Variants in MAST4 observed in about 807,000 individuals in gnomAD.
MAST4 encodes the protein microtubule-associated serine/threonine-protein kinase 4.
Under a neutral mutation model 162.7 loss-of-function variants are expected in MAST4, and 89 were observed. The ratio of observed to expected loss-of-function variants is 0.55; its 90% CI spans 0.46 to 0.65. The LOEUF (loss-of-function observed/expected upper bound fraction) is 0.65. Among genes scored for constraint, MAST4 ranks in the 30% least tolerant of loss-of-function variants. MAST4 has a pLI of 0.00. For synonymous variants in MAST4, 1,479 were observed against 1,361.1 expected (o/e 1.09, Z -1.91); for missense variants, 3,153 against 3,374.0 (o/e 0.93, Z 1.62).
At chr5:66,851,342 C>G (rs946287390) in intron 3 of MAST4, among the ~76,000 whole-genome samples, 1 of 152,186 alleles carries the variant, frequency 6.6e-6, no homozygotes, top group African/African-American at 2.4e-5. Context: ...AGAGCATCTC[C>G]TTAACCAGGG....
At chr5:66,717,659 T>A (rs1750926107) in intron 1 of MAST4, among the ~76,000 whole-genome samples, 1 of 152,232 alleles carries the variant, frequency 6.6e-6, no homozygotes, top group East Asian at 1.9e-4. Flanking sequence ...GGGAGGTTGC[T>A]AGGCATTTAA....
intron 4 of MAST4, among the ~76,000 whole-genome samples, chr5:66,965,181 T>A (rs937369118): frequency 2.6e-5 from 4 of 151,480 alleles, no homozygotes; most frequent in Non-Finnish European, 5.9e-5. Flanking sequence ...TCCCCTGAAT[T>A]TAATAGGTCC....
chr5:66,919,035 G>A (rs192594641), intron 4 of MAST4, among the ~76,000 whole-genome samples: 3 of 150,766 alleles, frequency 2.0e-5, no homozygotes, highest in African/African-American at 7.3e-5. Context: ...TCTGGGAGGC[G>A]GAGGTTGCAG....
intron 1 of MAST4, among the ~76,000 whole-genome samples, chr5:66,711,860 G>T (rs1750518741): frequency 6.6e-6 from 1 of 152,030 alleles, no homozygotes; most frequent in South Asian, 2.1e-4. Flanking sequence ...AGATGCTTTG[G>T]ATTATATTCA....
At chr5:66,802,636 G>T (rs1411027512) in intron 3 of MAST4, among the ~76,000 whole-genome samples, 1 of 152,126 alleles carries the variant, frequency 6.6e-6, no homozygotes, top group Non-Finnish European at 1.5e-5. Flanking sequence ...TCTATTGAGA[G>T]TCTTAGTGTG....
At chr5:66,745,038 G>A (rs989468702) in intron 1 of MAST4, among the ~76,000 whole-genome samples, 1 of 152,182 alleles carries the variant, frequency 6.6e-6, no homozygotes, top group Non-Finnish European at 1.5e-5. Flanking sequence ...CCTTTTTGGT[G>A]TCAGGTATGA....
intron 12 of MAST4, among the ~76,000 whole-genome samples, chr5:67,115,585 C>G (rs1766797809): frequency 6.6e-6 from 1 of 152,182 alleles, no homozygotes; most frequent in Non-Finnish European, 1.5e-5. Flanking sequence ...TGAAAAGTTC[C>G]CTGGGGAGAG....
chr5:67,142,276 T>C, intron 20 of MAST4, 39 bp downstream of exon 20: 2 of 1,604,434 alleles, frequency 1.2e-6, no homozygotes, highest in Non-Finnish European at 1.7e-6. Context: ...GTTTGGCCTT[T>C]ACTCGATAAA....
intron 4 of MAST4, among the ~76,000 whole-genome samples, chr5:67,016,564 A>C (rs1753307076): frequency 6.6e-6 from 1 of 152,182 alleles, no homozygotes; most frequent in Non-Finnish European, 1.5e-5. Flanking sequence ...TTGTTTTAAG[A>C]TTGCTACCTG....
intron 6 of MAST4, among the ~76,000 whole-genome samples, chr5:67,093,928 G>A (rs930124303): frequency 9.2e-5 from 14 of 152,146 alleles, no homozygotes; most frequent in Non-Finnish European, 1.8e-4. Context: ...TTAATAAGTA[G>A]CCAAATAAAA....
chr5:66,955,560 A>G (rs573235908), intron 4 of MAST4, among the ~76,000 whole-genome samples: 7 of 152,198 alleles, frequency 4.6e-5, no homozygotes, highest in Admixed American at 3.3e-4. Context: ...TGAACCCCTT[A>G]TTTGCCTATT....
At chr5:66,744,256 C>T (rs1004414303) in intron 1 of MAST4, among the ~76,000 whole-genome samples, 1 of 152,034 alleles carries the variant, frequency 6.6e-6, no homozygotes, top group Non-Finnish European at 1.5e-5. Context: ...CACGTGGGGC[C>T]CCTGGGCTGC....
chr5:66,752,902 T>G (rs541941135), intron 1 of MAST4, among the ~76,000 whole-genome samples: 76 of 152,102 alleles, frequency 5.0e-4, no homozygotes, highest in African/African-American at 1.6e-3. Flanking sequence ...TAGTTGGAAG[T>G]AAAGCTCTCC....
chr5:67,005,280 T>TA (rs1190762227), intron 4 of MAST4, among the ~76,000 whole-genome samples: 2 of 152,242 alleles, frequency 1.3e-5, no homozygotes, highest in African/African-American at 2.4e-5. Flanking sequence ...GTAACCCTGA[T>TA]AAATGTGCTT....
chr5:67,125,615 G>C (rs1768130237), intron 14 of MAST4, among the ~76,000 whole-genome samples: 1 of 152,124 alleles, frequency 6.6e-6, no homozygotes, highest in Non-Finnish European at 1.5e-5. Context: ...GTATTCCATG[G>C]TGTATACATG....
Position 66,596,622 on chromosome 5 carries a change from G to A in MAST4, c.-34G>A, listed in dbSNP as rs909678275. The A allele has an allele frequency of 1.4e-6, 2 of 1,398,200 alleles. No homozygotes were observed. The highest frequency in any genetic ancestry group is 1.7e-5 in the South Asian group (1 of 59,384). 86.6% of individuals were successfully genotyped at this position (1,398,200 alleles called of 1,614,324 possible). A position where few individuals can be genotyped will look rare whatever the true frequency, so the allele number is the denominator to read the frequency against. ...GGCGCTGAGTGCGCGCCGCGCCCCC[G>A]CCGCTCGGGAGGCACTTTGGGCCAG... On this transcript the variant is annotated 5_prime_UTR_variant, in exon 1 of 29. Transcript: ENST00000403625.
intron 3 of MAST4, among the ~76,000 whole-genome samples, chr5:66,804,113 C>T (rs1756059907): frequency 6.6e-6 from 1 of 152,008 alleles, no homozygotes; most frequent in African/African-American, 2.4e-5. Context: ...TATTTTCATG[C>T]ATTTGGTTTA....
At chr5:66,996,451 A>C (rs139919263) in intron 4 of MAST4, among the ~76,000 whole-genome samples, 2,661 of 152,156 alleles carry the variant, frequency 0.017, 90 homozygotes, top group African/African-American at 0.061. Context: ...TCATTGTTTT[A>C]GTTTCTTCTG....
At position 66,740,560 on chromosome 5, in the gene MAST4, C is replaced by T. The variant is rs185423306; in HGVS notation, c.364-19149C>T. 4.1e-3 allele frequency among the ~76,000 whole-genome samples: 629 copies of T among 152,330 alleles called. 1 individual carries two copies. The highest frequency in any genetic ancestry group is 0.013 in the South Asian group (63 of 4,832). On this transcript the variant is annotated intron_variant, in intron 1 of 28. Transcript: ENST00000403625. The stretch of plus-strand genomic sequence containing the variant: ...ATGTTTGTTCCGTTTCTCCTTTCTT[C>T]TCTCCCATCCATCAGTCTTCCATAG...
Sources: gnomAD v4.1 joint callset for allele counts (sites outside exome capture counted in the v4.1 genomes callset) on GRCh38, gnomAD v4.1.1 for gene constraint, MANE v1.5 for transcripts, NCBI Gene and HGNC (gene_info 2026-07-23, HGNC 2026-07-21) for gene names.